The following VGLL4 variants were observed in gnomAD, a reference collection of about 807,000 sequenced individuals.
The protein encoded by VGLL4 is vestigial like family member 4, also known as transcription cofactor vestigial-like protein 4.
A neutral mutation model predicts 21.0 loss-of-function variants in VGLL4; 7 were observed. The observed-to-expected ratio is 0.33, with a 90% CI of 0.19 to 0.63. VGLL4 has a LOEUF of 0.63. VGLL4 is among the 20% of genes least tolerant of loss of function. The probability of loss-of-function intolerance (pLI) is 0.78; values close to 1 mark genes in which losing one functional copy is unlikely to be tolerated. For missense variants in VGLL4, 394 were observed against 425.7 expected (o/e 0.93, Z 0.66); for synonymous variants, 222 against 173.2 (o/e 1.28, Z -2.21).
chr3:11,671,082 G>C (rs1163392956), intron 2 of VGLL4, among the ~76,000 whole-genome samples: 1 of 152,196 alleles, frequency 6.6e-6, no homozygotes, highest in East Asian at 1.9e-4. Flanking sequence ...AGAGTCGACA[G>C]CAGCTGCCCC....
At chr3:11,576,113 G>A (rs1200624970) in intron 2 of VGLL4, among the ~76,000 whole-genome samples, 4 of 152,188 alleles carry the variant, frequency 2.6e-5, no homozygotes, top group South Asian at 2.1e-4. Context: ...GAACATGACC[G>A]GTAAAGCATC....
chr3:11,581,406 A>T (rs539345793), intron 2 of VGLL4, among the ~76,000 whole-genome samples: 1 of 152,098 alleles, frequency 6.6e-6, no homozygotes, highest in Non-Finnish European at 1.5e-5. Flanking sequence ...GCATTTCTCG[A>T]ATGATGAAAC....
At chr3:11,635,183 G>A (rs2075562956) in intron 1 of VGLL4, among the ~76,000 whole-genome samples, 1 of 152,208 alleles carries the variant, frequency 6.6e-6, no homozygotes, top group East Asian at 1.9e-4. Context: ...CAGAAAGGGA[G>A]TAGAGGTGAG....
chr3:11,561,985 C>T (rs1409070410), intron 3 of VGLL4, among the ~76,000 whole-genome samples: 1 of 151,232 alleles, frequency 6.6e-6, no homozygotes, highest in Non-Finnish European at 1.5e-5. Flanking sequence ...TTGCAAGCTC[C>T]GCCTTCCGGG....
chr3:11,663,159 T>C (rs1236940164), intron 2 of VGLL4, among the ~76,000 whole-genome samples: 5 of 152,024 alleles, frequency 3.3e-5, no homozygotes. Context: ...CAGTAGAATA[T>C]ACGAGTGAAA....
chr3:11,630,825 CAT>C (rs1456726147), intron 1 of VGLL4, among the ~76,000 whole-genome samples: 8 of 152,120 alleles, frequency 5.3e-5, no homozygotes, highest in African/African-American at 1.7e-4. Flanking sequence ...GAAATGACCA[CAT>C]ATGTCCACAA....
intron 1 of VGLL4, among the ~76,000 whole-genome samples, chr3:11,603,174 T>C (rs1350091207): frequency 6.6e-6 from 1 of 152,236 alleles, no homozygotes; most frequent in Non-Finnish European, 1.5e-5. Flanking sequence ...AATATGATTT[T>C]GTTGGAGAAA....
intron 1 of VGLL4, among the ~76,000 whole-genome samples, chr3:11,618,241 AT>A (rs947797201): frequency 1.3e-5 from 2 of 152,206 alleles, no homozygotes; most frequent in East Asian, 1.9e-4. Flanking sequence ...TTTTCACAGT[AT>A]ATGGTATATT....
intron 2 of VGLL4, among the ~76,000 whole-genome samples, chr3:11,673,621 A>G (rs919602072): frequency 6.6e-6 from 1 of 152,140 alleles, no homozygotes; most frequent in Non-Finnish European, 1.5e-5. Flanking sequence ...TTTCTTCTAA[A>G]CCCCCAAGTC....
intron 2 of VGLL4, among the ~76,000 whole-genome samples, chr3:11,677,605 G>A (rs937144761): frequency 1.3e-5 from 2 of 152,010 alleles, no homozygotes; most frequent in African/African-American, 2.4e-5. Context: ...GTGCTATAGC[G>A]CGTATGAACA....
rs2072465203 is a variant in VGLL4, at chr3:11,556,813, T to C, written c.*1743A>G. On this transcript the variant is annotated 3_prime_UTR_variant, in exon 5 of 5. Transcript: ENST00000430365. Reference sequence around the variant, plus strand: ...TCTCAACGATTTTTCCTACAGAAAATATAGGGGCCTGAATGCCAAAGCTTG... The same window carrying C: ...TCTCAACGATTTTTCCTACAGAAAACATAGGGGCCTGAATGCCAAAGCTTG... The C allele has an allele frequency of 6.6e-6, 1 of 152,536 alleles. No individual in the cohort carries two copies. The highest frequency in any genetic ancestry group is 2.4e-5 in the African/African-American group (1 of 41,356). 9.4% of individuals were successfully genotyped at this position (152,536 alleles called of 1,614,324 possible).
intron 2 of VGLL4, among the ~76,000 whole-genome samples, chr3:11,668,328 T>C (rs893631269): frequency 5.3e-5 from 8 of 152,196 alleles, no homozygotes; most frequent in Non-Finnish European, 7.3e-5. Context: ...AACCATTTTT[T>C]CTAAATGCAT....
In VGLL4 at chr3:11,557,460, A is replaced by AAAT. The variant is rs1321515114; in HGVS notation, c.*1093_*1095dup. 6.6e-6 allele frequency: 1 copy of AAAT among 152,592 alleles called. No individual in the cohort carries two copies. Among genetic ancestry groups the AAAT allele is most frequent in the African/African-American group, 2.4e-5 (1 of 41,444 alleles). 9.5% of individuals were successfully genotyped at this position (152,592 alleles called of 1,614,324 possible). ...TGTAACAAAGCAGACAGGGATGCAA[A>AAAT]AATAAATGATGTCAGCCTGCAGCCA... On this transcript the variant is annotated 3_prime_UTR_variant, in exon 5 of 5. Coordinates refer to ENST00000430365, the MANE Select transcript of VGLL4 (RefSeq NM_001128219.3).
intron 1 of VGLL4, among the ~76,000 whole-genome samples, chr3:11,715,085 A>C (rs1435526067): frequency 6.6e-6 from 1 of 150,698 alleles, no homozygotes; most frequent in Non-Finnish European, 1.5e-5. Flanking sequence ...CAGTGAGCCG[A>C]GATCGCGCCG....
chr3:11,607,650 T>C (rs943517070), intron 1 of VGLL4, among the ~76,000 whole-genome samples: 4 of 152,216 alleles, frequency 2.6e-5, no homozygotes, highest in Non-Finnish European at 5.9e-5. Flanking sequence ...TTATAAGCAG[T>C]ATAAGGCTCC....
chr3:11,669,543 C>T (rs1304495953), intron 2 of VGLL4, among the ~76,000 whole-genome samples: 2 of 152,140 alleles, frequency 1.3e-5, no homozygotes, highest in African/African-American at 2.4e-5. Flanking sequence ...AACTGCTATT[C>T]TAAAACGAAC....
chr3:11,617,006 C>T (rs1559902628), intron 1 of VGLL4, among the ~76,000 whole-genome samples: 3 of 151,968 alleles, frequency 2.0e-5, no homozygotes, highest in South Asian at 2.1e-4. Context: ...TGACATTTAT[C>T]ATAGTAGGAA....
chr3:11,647,064 A>C (rs146514752), upstream of VGLL4, among the ~76,000 whole-genome samples: 5 of 152,328 alleles, frequency 3.3e-5, no homozygotes, highest in African/African-American at 1.2e-4. Context: ...ATCAGTCTGC[A>C]ACAAAGTCTT....
At chr3:11,702,900 T>C (rs1394301567) in intron 2 of VGLL4, 14 of 1,434,194 alleles carry the variant, frequency 9.8e-6, no homozygotes, top group Admixed American at 6.9e-5. Context: ...AAGCATGTAA[T>C]TTTGTTATGG....
Sources: gnomAD v4.1 joint callset for allele counts (sites outside exome capture counted in the v4.1 genomes callset) on GRCh38, gnomAD v4.1.1 for gene constraint, MANE v1.5 for transcripts, NCBI Gene and HGNC (gene_info 2026-07-23, HGNC 2026-07-21) for gene names.